PLA2G10: variants seen among roughly 807,000 people sequenced by gnomAD.
The protein encoded by PLA2G10 is group 10 secretory phospholipase A2.
A neutral mutation model predicts 7.9 loss-of-function variants in PLA2G10; 9 were observed. The ratio of observed to expected loss-of-function variants is 1.14; its 90% CI spans 0.68 to 1.98. PLA2G10 has a LOEUF of 1.98. PLA2G10 is among the 30% of genes most tolerant of loss of function. The probability of loss-of-function intolerance (pLI) is 0.00; values close to 1 mark genes in which losing one functional copy is unlikely to be tolerated. For missense variants in PLA2G10, 53 were observed against 65.4 expected (o/e 0.81, Z 0.66); for synonymous variants, 19 against 27.5 (o/e 0.69, Z 0.97).
intron 3 of PLA2G10, among the ~76,000 whole-genome samples, chr16:14,687,384 T>A (rs1231590365): frequency 4.7e-5 from 7 of 150,406 alleles, no homozygotes; most frequent in African/African-American, 9.8e-5. Context: ...GCTGGAGTGC[T>A]GTGACTCGAT....
At chr16:14,684,269 G>A (rs994003600) in intron 3 of PLA2G10, among the ~76,000 whole-genome samples, 2 of 149,790 alleles carry the variant, frequency 1.3e-5, no homozygotes, top group Admixed American at 1.3e-4. Context: ...TTCAGGAGGC[G>A]GAGGCTGAAG....
At chr16:14,677,893 GGATA>G (rs1287337414) in intron 3 of PLA2G10, among the ~76,000 whole-genome samples, 10 of 142,854 alleles carry the variant, frequency 7.0e-5, no homozygotes, top group African/African-American at 2.5e-4. Context: ...ATGGATGGAT[GGATA>G]GATGGAAGAA....
At chr16:14,681,267 C>G (rs565578355) in intron 3 of PLA2G10, among the ~76,000 whole-genome samples, 1 of 152,024 alleles carries the variant, frequency 6.6e-6, no homozygotes, top group Non-Finnish European at 1.5e-5. Flanking sequence ...ATCTCCAATG[C>G]TCACACAACC....
chr16:14,679,960 T>G (rs779428279), intron 3 of PLA2G10, among the ~76,000 whole-genome samples: 1 of 152,166 alleles, frequency 6.6e-6, no homozygotes, highest in Non-Finnish European at 1.5e-5. Context: ...TTCTGGACAA[T>G]TCATATAAAT....
intron 3 of PLA2G10, chr16:14,678,637 G>T: frequency 3.1e-6 from 1 of 323,444 alleles, no homozygotes; most frequent in South Asian, 2.4e-5. Context: ...GGGCATGGTG[G>T]CACATACCTG....
chr16:14,685,627 AT>A (rs1961034409), intron 3 of PLA2G10, among the ~76,000 whole-genome samples: 1 of 152,114 alleles, frequency 6.6e-6, no homozygotes, highest in South Asian at 2.1e-4. Flanking sequence ...GACATTGTGA[AT>A]ATACTAAGTA....
intron 3 of PLA2G10, among the ~76,000 whole-genome samples, chr16:14,681,196 G>A (rs900126543): frequency 3.3e-5 from 5 of 151,194 alleles, no homozygotes; most frequent in Non-Finnish European, 7.4e-5. Flanking sequence ...AAAGAAAAGG[G>A]GGAGGGGGGA....
chr16:14,686,476 A>G (rs1961068323), intron 3 of PLA2G10, among the ~76,000 whole-genome samples: 1 of 151,946 alleles, frequency 6.6e-6, no homozygotes, highest in South Asian at 2.1e-4. Context: ...GAAACTATAA[A>G]TGGAAAATGC....
At chr16:14,672,887 G>C in intron 3 of PLA2G10, 138 bp from the exon 4 acceptor site, 2 of 738,124 alleles carry the variant, frequency 2.7e-6, no homozygotes, top group South Asian at 4.0e-5. Context: ...TCCATCTGCA[G>C]GGCTCCCCAG....
chr16:14,674,715 G>T (rs1440591624), intron 3 of PLA2G10, among the ~76,000 whole-genome samples: 1 of 150,100 alleles, frequency 6.7e-6, no homozygotes, highest in Non-Finnish European at 1.5e-5. Context: ...AAAAAGAAAA[G>T]AAGAAAAAAT....
At chr16:14,687,568 AC>A (rs981319170) in intron 3 of PLA2G10, among the ~76,000 whole-genome samples, 2 of 151,410 alleles carry the variant, frequency 1.3e-5, no homozygotes, top group Non-Finnish European at 2.9e-5. Flanking sequence ...TCTGGTCCCC[AC>A]CCCCAGCCTC....
chr16:14,672,816 C>T, intron 3 of PLA2G10, 67 bp from the exon 4 acceptor site: 1 of 1,495,874 alleles, frequency 6.7e-7, no homozygotes, highest in Non-Finnish European at 9.3e-7. Flanking sequence ...ACCAGTAAAG[C>T]AAGAGGCAGG....
At chr16:14,678,039 G>A (rs1960775318) in intron 3 of PLA2G10, among the ~76,000 whole-genome samples, 1 of 152,160 alleles carries the variant, frequency 6.6e-6, no homozygotes, top group Non-Finnish European at 1.5e-5. Flanking sequence ...GCCAGTGCAG[G>A]AACAAGCCTT....
chr16:14,687,092 G>A (rs1470950875), intron 3 of PLA2G10, among the ~76,000 whole-genome samples: 5 of 148,006 alleles, frequency 3.4e-5, no homozygotes, highest in African/African-American at 1.0e-4. Flanking sequence ...TGGGCAACAG[G>A]AGTAAAACTC....
At chr16:14,687,044 G>T (rs542631609) in intron 3 of PLA2G10, among the ~76,000 whole-genome samples, 245 of 151,726 alleles carry the variant, frequency 1.6e-3, no homozygotes, top group Non-Finnish European at 2.8e-3. Context: ...AGAGGTGGAG[G>T]TTGCAGTAAG....
chr16:14,674,233 A>G (rs937225847), intron 3 of PLA2G10, among the ~76,000 whole-genome samples: 2 of 152,246 alleles, frequency 1.3e-5, no homozygotes, highest in Non-Finnish European at 2.9e-5. Flanking sequence ...AAGAAATCAT[A>G]GATGACACAA....
intron 3 of PLA2G10, among the ~76,000 whole-genome samples, chr16:14,680,675 A>G (rs1960865454): frequency 6.6e-6 from 1 of 152,070 alleles, no homozygotes; most frequent in African/African-American, 2.4e-5. Context: ...CATATTTTCA[A>G]AGTTCATCCA....
intron 3 of PLA2G10, among the ~76,000 whole-genome samples, chr16:14,687,086 C>T (rs951515611): frequency 6.1e-5 from 9 of 148,272 alleles, no homozygotes; most frequent in Non-Finnish European, 1.2e-4. Context: ...CCAGCCTGGG[C>T]AACAGGAGTA....
Position 14,672,762 on chromosome 16 carries a change from G to T in PLA2G10, c.356-13C>A. ...TTCTCTGCCGGTCCTGGAAGAAGTG[G>T]GGAAACTGAGATTAGAGCAGGGACC... is the stretch of plus-strand genomic sequence containing the variant. On this transcript the variant is annotated splice_polypyrimidine_tract_variant and intron_variant, in intron 3 of 3. Transcript: ENST00000438167. The T allele has an allele frequency of 6.2e-7, 1 of 1,613,518 alleles. No homozygotes were observed. The highest frequency in any genetic ancestry group is 8.5e-7 in the Non-Finnish European group (1 of 1,179,720).
Sources: gnomAD v4.1 joint callset for allele counts (sites outside exome capture counted in the v4.1 genomes callset) on GRCh38, gnomAD v4.1.1 for gene constraint, MANE v1.5 for transcripts, NCBI Gene and HGNC (gene_info 2026-07-23, HGNC 2026-07-21) for gene names.